The following NCOA2 variants were observed in gnomAD, a reference collection of about 807,000 sequenced individuals.
NCOA2 encodes nuclear receptor coactivator 2.
A neutral mutation model predicts 145.1 loss-of-function variants in NCOA2; 21 were observed. That is an observed-to-expected ratio of 0.14 (90% confidence interval 0.10 to 0.21). The LOEUF is 0.21. NCOA2 is among the 10% of genes least tolerant of loss of function. NCOA2 has a pLI of 1.00. For missense variants in NCOA2, 1,472 were observed against 1,837.6 expected, an observed-to-expected ratio of 0.80 and a Z score of 3.64; for synonymous variants, 619 against 637.5, an observed-to-expected ratio of 0.97 and a Z score of 0.44.
intron 2 of NCOA2, among the ~76,000 whole-genome samples, chr8:70,287,474 T>C (rs2135572362): frequency 6.6e-6 from 1 of 152,340 alleles, no homozygotes; most frequent in South Asian, 2.1e-4. Flanking sequence ...ATTATGGGAA[T>C]TCTAAATTAC....
intron 22 of NCOA2, among the ~76,000 whole-genome samples, chr8:70,115,716 A>G (rs1807026616): frequency 6.6e-6 from 1 of 152,236 alleles, no homozygotes; most frequent in Non-Finnish European, 1.5e-5. Context: ...AAATATATCT[A>G]AAATATAAAG....
At chr8:70,309,636 A>G (rs753298961) in intron 1 of NCOA2, among the ~76,000 whole-genome samples, 9 of 150,850 alleles carry the variant, frequency 6.0e-5, no homozygotes, top group Non-Finnish European at 1.3e-4. Flanking sequence ...CAGTACTTAA[A>G]TTTTTTTTTT....
chr8:70,147,656 G>A (rs1324430523), intron 12 of NCOA2, among the ~76,000 whole-genome samples: 3 of 152,182 alleles, frequency 2.0e-5, no homozygotes, highest in Non-Finnish European at 2.9e-5. Flanking sequence ...GATAGAAGAT[G>A]TTCTTTCTAA....
chr8:70,351,346 C>A (rs186992418), intron 1 of NCOA2, among the ~76,000 whole-genome samples: 5 of 152,162 alleles, frequency 3.3e-5, no homozygotes, highest in Non-Finnish European at 7.4e-5. Flanking sequence ...TGAGTGAACA[C>A]CATTTTATCA....
chr8:70,313,697 A>C (rs1395791176), intron 1 of NCOA2, among the ~76,000 whole-genome samples: 2 of 152,238 alleles, frequency 1.3e-5, no homozygotes, highest in African/African-American at 4.8e-5. Context: ...ACACGAAAAA[A>C]TTTTTAGGAA....
the NCOA2 span, among the ~76,000 whole-genome samples, chr8:70,452,382 A>G: frequency 6.6e-6 from 1 of 152,238 alleles, no homozygotes; most frequent in African/African-American, 2.4e-5. Context: ...AATCAAAACT[A>G]CAAGATACCA....
At chr8:70,117,238 T>TG (rs1277251237) in intron 22 of NCOA2, among the ~76,000 whole-genome samples, 2 of 152,214 alleles carry the variant, frequency 1.3e-5, no homozygotes, top group African/African-American at 2.4e-5. Flanking sequence ...CTTTCTACCT[T>TG]GATTGGTCTG....
At chr8:70,368,198 A>G (rs1411475722) in intron 1 of NCOA2, among the ~76,000 whole-genome samples, 1 of 152,256 alleles carries the variant, frequency 6.6e-6, no homozygotes, top group Non-Finnish European at 1.5e-5. Flanking sequence ...TTATTCTTCT[A>G]TGCTGTAAAG....
At chr8:70,328,827 T>C (rs181321372) in intron 1 of NCOA2, among the ~76,000 whole-genome samples, 1 of 152,166 alleles carries the variant, frequency 6.6e-6, no homozygotes, top group Non-Finnish European at 1.5e-5. Context: ...GTAATGAGGA[T>C]GCAGAGCAAC....
chr8:70,197,314 G>A (rs1266385711), intron 4 of NCOA2, among the ~76,000 whole-genome samples: 2 of 151,968 alleles, frequency 1.3e-5, no homozygotes, highest in Admixed American at 1.3e-4. Flanking sequence ...TTACTAATTT[G>A]CTATTATTAC....
chr8:70,131,484 G>T (rs1256578415), intron 16 of NCOA2, among the ~76,000 whole-genome samples: 1 of 152,184 alleles, frequency 6.6e-6, no homozygotes, highest in African/African-American at 2.4e-5. Flanking sequence ...CTTCCAGGGG[G>T]AAGCGTTCTA....
intron 22 of NCOA2, 109 bp downstream of exon 22, chr8:70,121,193 C>T (rs541606126): frequency 3.9e-5 from 34 of 864,466 alleles, no homozygotes; most frequent in African/African-American, 1.7e-4. Context: ...AGATATTTTA[C>T]GATTATCTTT....
rs571679156 is a variant in NCOA2, at chr8:70,200,810, C to A, written c.259+13093G>T. 6.6e-5 allele frequency among the ~76,000 whole-genome samples: 10 copies of A among 152,160 alleles called. No individual in the cohort carries two copies. The South Asian group carries it at 1.7e-3, about 25-fold the overall frequency. Reference sequence around the variant, plus strand: ...TGGTGCATGCCTGTAATCATCCCAGCACTTTGGGAGGTCGAGGTGGGAGGA... The same window carrying A: ...TGGTGCATGCCTGTAATCATCCCAGAACTTTGGGAGGTCGAGGTGGGAGGA... On this transcript the variant is annotated intron_variant, in intron 4 of 22. Transcript: ENST00000452400.
chr8:70,351,365 T>C (rs1301552501), intron 1 of NCOA2, among the ~76,000 whole-genome samples: 1 of 152,224 alleles, frequency 6.6e-6, no homozygotes, highest in Non-Finnish European at 1.5e-5. Flanking sequence ...CAACTGATTG[T>C]ACTTGTTTGC....
intron 1 of NCOA2, among the ~76,000 whole-genome samples, chr8:70,394,679 TC>T (rs1813498899): frequency 6.6e-6 from 1 of 152,228 alleles, no homozygotes; most frequent in Non-Finnish European, 1.5e-5. Flanking sequence ...TCTTAAATTG[TC>T]TTAATATTTT....
intron 2 of NCOA2, among the ~76,000 whole-genome samples, chr8:70,220,063 A>T (rs1820010049): frequency 6.6e-6 from 1 of 152,234 alleles, no homozygotes; most frequent in Non-Finnish European, 1.5e-5. Flanking sequence ...GAAATATCTA[A>T]AATAAACTCT....
chr8:70,239,749 G>T (rs2134416459), intron 2 of NCOA2, among the ~76,000 whole-genome samples: 1 of 152,272 alleles, frequency 6.6e-6, no homozygotes, highest in East Asian at 1.9e-4. Context: ...TTAAGAGAGA[G>T]AATTGTTCAG....
intron 1 of NCOA2, chr8:70,402,700 C>G (rs1312187317): frequency 6.6e-6 from 1 of 152,106 alleles, no homozygotes; most frequent in African/African-American, 2.4e-5. Flanking sequence ...GAGGGCCTGT[C>G]CCTTCAGGGG....
At chr8:70,435,297 C>T in the NCOA2 span, among the ~76,000 whole-genome samples, 1 of 149,674 alleles carries the variant, frequency 6.7e-6, no homozygotes, top group Non-Finnish European at 1.5e-5. Context: ...TGGTGGTGGG[C>T]GCCTGTAATC....
Sources: gnomAD v4.1 joint callset for allele counts (sites outside exome capture counted in the v4.1 genomes callset) on GRCh38, gnomAD v4.1.1 for gene constraint, MANE v1.5 for transcripts, NCBI Gene and HGNC (gene_info 2026-07-23, HGNC 2026-07-21) for gene names.